Variants in DCAF13 observed in about 807,000 individuals in gnomAD.
The protein encoded by DCAF13 is DDB1 and CUL4 associated factor 13.
Under a neutral mutation model 59.0 loss-of-function variants are expected in DCAF13, and 38 were observed. The ratio of observed to expected loss-of-function variants is 0.64; its 90% CI spans 0.50 to 0.84. DCAF13 has a LOEUF of 0.84. Ranked by LOEUF, DCAF13 falls within the 40% of genes least tolerant of loss-of-function variation. DCAF13 has a pLI of 0.00. For synonymous variants in DCAF13, 173 were observed against 175.0 expected (o/e 0.99, Z 0.09); for missense variants, 469 against 558.4 (o/e 0.84, Z 1.61).
At chr8:103,422,829 G>A (rs1014268918) in intron 3 of DCAF13, among the ~76,000 whole-genome samples, 1 of 152,100 alleles carries the variant, frequency 6.6e-6, no homozygotes, top group East Asian at 1.9e-4. Context: ...AGGTTGGCTG[G>A]GTGCAGAAGC....
chr8:103,440,193 C>T lies in DCAF13; in HGVS notation c.1008C>T (p.Asp336=). The T allele has an allele frequency of 6.2e-7, 1 of 1,605,132 alleles. No individual in the cohort carries two copies. The highest frequency in any genetic ancestry group is 1.1e-5 in the South Asian group (1 of 89,494). The part of the protein sequence containing the change: ...QHVICVKWTS[D]SKYIMCGSDE... ...TTATCTGTGTAAAATGGACTTCTGACAGCAAGTATATTATGTGTGGATCTG... is the reference window on the plus strand; with the variant it reads ...TTATCTGTGTAAAATGGACTTCTGATAGCAAGTATATTATGTGTGGATCTG... Residue 336 remains aspartate, a synonymous_variant, in exon 9 of 11, where the codon GAC becomes GAT. Coordinates refer to ENST00000612750, the MANE Select transcript of DCAF13 (RefSeq NM_015420.7).
intron 7 of DCAF13, among the ~76,000 whole-genome samples, chr8:103,435,122 G>A (rs1214208165): frequency 1.3e-5 from 2 of 151,720 alleles, no homozygotes; most frequent in African/African-American, 4.8e-5. Context: ...TAAAATATAG[G>A]GAAATAAATT....
Position 103,430,657 on chromosome 8 carries a change from T to TGCATCTG in DCAF13, c.670_671insGCATCTG (p.Tyr224CysfsTer3). On this transcript the variant is annotated stop_gained and frameshift_variant, in exon 6 of 11. Coordinates refer to ENST00000612750, the MANE Select transcript of DCAF13 (RefSeq NM_015420.7). LOFTEE classifies it high-confidence loss of function. ...TGCATCTGACAGGAATATAGTACTG[T>TGCATCTG]ACGATATGAGGCAAGCTACTCCTTT... 1 of 1,611,146 alleles carries TGCATCTG rather than the reference T, an allele frequency of 6.2e-7. No homozygotes were observed. The highest frequency in any genetic ancestry group is 8.5e-7 in the Non-Finnish European group (1 of 1,178,572).
chr8:103,429,613 T>G (rs1816835076), intron 5 of DCAF13: 1 of 152,158 alleles, frequency 6.6e-6, no homozygotes, highest in African/African-American at 2.4e-5. Flanking sequence ...ACATTTATAA[T>G]TGACTTACAA....
rs994116515 is a variant in DCAF13, at chr8:103,441,367, G to T, written c.1087-88G>T. The stretch of plus-strand genomic sequence containing the variant: ...TTGGTTGCATATCATAAAAGATTAG[G>T]TTAGGGGGAAAAGGGTGCTTTCTAG... On this transcript the variant is annotated intron_variant, in intron 9 of 10. Transcript: ENST00000612750. The T allele has an allele frequency of 2.3e-6, 3 of 1,285,672 alleles. No individual in the cohort carries two copies. In the African/African-American group the frequency reaches 4.6e-5, roughly 20 times the overall value. The allele number at this position is 1,285,672 out of a possible 1,614,324, so 79.6% of individuals were successfully genotyped here. A position where few individuals can be genotyped will look rare whatever the true frequency, so the allele number is the denominator to read the frequency against.
chr8:103,431,436 C>G (rs981982741), intron 6 of DCAF13, among the ~76,000 whole-genome samples: 14 of 152,290 alleles, frequency 9.2e-5, no homozygotes, highest in African/African-American at 3.1e-4. Context: ...TTAATACTTG[C>G]TTTTGTTATT....
chr8:103,421,805 T>C (rs1012990050), intron 3 of DCAF13, among the ~76,000 whole-genome samples: 10 of 152,262 alleles, frequency 6.6e-5, no homozygotes, highest in African/African-American at 2.4e-4. Context: ...GAATTTCCTT[T>C]CTTTTTATGG....
chr8:103,417,941 A>C (rs1816645423), intron 1 of DCAF13, among the ~76,000 whole-genome samples: 1 of 151,978 alleles, frequency 6.6e-6, no homozygotes, highest in African/African-American at 2.4e-5. Flanking sequence ...AACATGGTGA[A>C]ACCCCATCTC....
At position 103,430,603 on chromosome 8, in the gene DCAF13, T is replaced by A. The variant is rs779659837; in HGVS notation, c.625-9T>A. ...GCTTTGAACTGGTGATTGTTATACT[T>A]GTTTTTAGACATTTCTCTTGGGAAG... On this transcript the variant is annotated splice_polypyrimidine_tract_variant and intron_variant, in intron 5 of 10. Coordinates refer to ENST00000612750, the MANE Select transcript of DCAF13 (RefSeq NM_015420.7). 1.2e-6 allele frequency: 2 copies of A among 1,608,532 alleles called. No individual in the cohort carries two copies. The highest frequency in any genetic ancestry group is 2.2e-5 in the East Asian group (1 of 44,726).
At chr8:103,430,808 G>A in intron 6 of DCAF13, 119 bp downstream of exon 6, 12 of 670,518 alleles carry the variant, frequency 1.8e-5, no homozygotes, top group Non-Finnish European at 1.2e-5. Context: ...TTTTATACAG[G>A]TGTTCTTAGA....
chr8:103,427,274 G>A (rs1250132326), intron 5 of DCAF13, 22 bp downstream of exon 5: 1 of 1,583,160 alleles, frequency 6.3e-7, no homozygotes. Context: ...TTTTAAGTAT[G>A]TTTTACTTAT....
At chr8:103,419,138 C>T (rs1237761131) in intron 1 of DCAF13, among the ~76,000 whole-genome samples, 1 of 151,690 alleles carries the variant, frequency 6.6e-6, no homozygotes, top group African/African-American at 2.4e-5. Flanking sequence ...TCCGTCCCGG[C>T]CCCCCAAAGT....
intron 3 of DCAF13, among the ~76,000 whole-genome samples, chr8:103,425,278 A>G (rs1186197072): frequency 6.6e-6 from 1 of 152,204 alleles, no homozygotes; most frequent in Admixed American, 6.5e-5. Context: ...CTCAAACTAC[A>G]TTATATGTTC....
intron 1 of DCAF13, among the ~76,000 whole-genome samples, chr8:103,417,343 TA>T (rs5893655): frequency 4.0e-5 from 6 of 151,298 alleles, no homozygotes; most frequent in Middle Eastern, 3.4e-3. Flanking sequence ...AGATTTTTCT[TA>T]AAAAAAAAGA....
chr8:103,436,243 A>G (rs926236420), intron 8 of DCAF13, among the ~76,000 whole-genome samples: 3 of 152,194 alleles, frequency 2.0e-5, no homozygotes, highest in Non-Finnish European at 4.4e-5. Context: ...GCTCCAATAC[A>G]GTTTAAGAAA....
At chr8:103,433,095 G>A (rs1023011071) in intron 7 of DCAF13, among the ~76,000 whole-genome samples, 2 of 152,118 alleles carry the variant, frequency 1.3e-5, no homozygotes, top group Non-Finnish European at 2.9e-5. Context: ...TAGTTGCAGC[G>A]GAGACCTTAT....
chr8:103,419,159 C>T (rs1368996859), intron 1 of DCAF13, among the ~76,000 whole-genome samples: 1 of 151,948 alleles, frequency 6.6e-6, no homozygotes, highest in African/African-American at 2.4e-5. Context: ...GCTGGGATTA[C>T]AGGCGTGAGC....
intron 5 of DCAF13, chr8:103,427,592 A>C (rs1038917524): frequency 1.1e-5 from 3 of 270,070 alleles, no homozygotes; most frequent in African/African-American, 2.2e-5. Context: ...TACATTTAGG[A>C]AAATGTTAAT....
chr8:103,429,071 A>G (rs917121528), intron 5 of DCAF13: 3 of 152,154 alleles, frequency 2.0e-5, no homozygotes, highest in Non-Finnish European at 4.4e-5. Context: ...ATTTTCTCTT[A>G]AAATATTGAA....
Sources: allele counts gnomAD v4.1 joint callset (sites outside exome capture counted in the v4.1 genomes callset), GRCh38; gene constraint gnomAD v4.1.1; transcripts MANE v1.5; gene names NCBI Gene and HGNC (gene_info 2026-07-23, HGNC 2026-07-21).